Variants in PTPRM observed in about 807,000 individuals in gnomAD.
PTPRM encodes the protein receptor-type tyrosine-protein phosphatase mu.
A neutral mutation model predicts 186.7 loss-of-function variants in PTPRM; 47 were observed. The observed-to-expected ratio is 0.25, with a 90% confidence interval of 0.20 to 0.32. The LOEUF (loss-of-function observed/expected upper bound fraction) is 0.32, where lower values mean the gene tolerates loss of function less well. Ranked by LOEUF, PTPRM falls within the 10% of genes least tolerant of loss-of-function variation. The pLI, the probability that PTPRM is intolerant of heterozygous loss-of-function variation, is 1.00. For synonymous variants in PTPRM, 668 were observed against 674.9 expected (o/e 0.99, Z 0.16); for missense variants, 1,494 against 1,865.0 (o/e 0.80, Z 3.66).
At chr18:7,636,949 C>T (rs2038328027) in intron 1 of PTPRM, among the ~76,000 whole-genome samples, 1 of 152,108 alleles carries the variant, frequency 6.6e-6, no homozygotes, top group Admixed American at 6.5e-5. Context: ...TGGCAGATGA[C>T]ATGAGGCCAG....
intron 2 of PTPRM, among the ~76,000 whole-genome samples, chr18:7,801,634 G>A (rs924621131): frequency 1.3e-5 from 2 of 152,136 alleles, no homozygotes; most frequent in African/African-American, 4.8e-5. Flanking sequence ...CAAGTATTAT[G>A]TACTGTACAT....
chr18:8,172,887 G>A (rs750593157), intron 14 of PTPRM, among the ~76,000 whole-genome samples: 1 of 152,084 alleles, frequency 6.6e-6, no homozygotes, highest in Non-Finnish European at 1.5e-5. Context: ...GTAATTAATT[G>A]TACCAGAGTA....
chr18:7,958,565 A>G (rs751330672), intron 7 of PTPRM, among the ~76,000 whole-genome samples: 2 of 152,202 alleles, frequency 1.3e-5, no homozygotes, highest in East Asian at 3.9e-4. Context: ...ATTGATTTCT[A>G]TATTCAGAAG....
intron 30 of PTPRM, 74 bp downstream of exon 30, chr18:8,384,760 C>A: frequency 6.4e-7 from 1 of 1,558,300 alleles, no homozygotes; most frequent in Non-Finnish European, 8.8e-7. Flanking sequence ...TTGGAGCACT[C>A]ACTCTATGTC....
At chr18:8,013,335 T>G (rs1171156160) in intron 7 of PTPRM, among the ~76,000 whole-genome samples, 2 of 152,136 alleles carry the variant, frequency 1.3e-5, no homozygotes, top group Non-Finnish European at 2.9e-5. Flanking sequence ...CCCAAAAACT[T>G]CTAATGGCCT....
chr18:8,010,851 G>A (rs917772173), intron 7 of PTPRM, among the ~76,000 whole-genome samples: 1 of 152,194 alleles, frequency 6.6e-6, no homozygotes, highest in Non-Finnish European at 1.5e-5. Context: ...GAGATACAAA[G>A]ATTATAGACT....
intron 7 of PTPRM, among the ~76,000 whole-genome samples, chr18:7,997,076 A>G (rs1278255115): frequency 6.6e-6 from 1 of 152,168 alleles, no homozygotes; most frequent in Non-Finnish European, 1.5e-5. Flanking sequence ...AAAATCCTGA[A>G]TAACCAGAGC....
chr18:8,025,294 C>T (rs116858237), intron 7 of PTPRM, among the ~76,000 whole-genome samples: 1,763 of 152,218 alleles, frequency 0.012, 21 homozygotes, highest in Admixed American at 0.023. Flanking sequence ...ACTTAAGTGA[C>T]CATACATTTT....
At chr18:7,924,153 G>A (rs965558593) in intron 4 of PTPRM, among the ~76,000 whole-genome samples, 1 of 152,190 alleles carries the variant, frequency 6.6e-6, no homozygotes. Context: ...TCACAGCCAC[G>A]GTTACTCCCT....
At chr18:8,252,528 A>T in intron 18 of PTPRM, 29 bp downstream of exon 18, 1 of 1,537,122 alleles carries the variant, frequency 6.5e-7, no homozygotes. Context: ...CCCATGGAAG[A>T]GTTGTGGAGG....
intron 2 of PTPRM, among the ~76,000 whole-genome samples, chr18:7,784,241 A>AATAG (rs1369364106): frequency 3.3e-5 from 5 of 152,270 alleles, no homozygotes; most frequent in African/African-American, 9.6e-5. Context: ...ACCAGGAACA[A>AATAG]ATAGAAGTTC....
At chr18:8,095,052 C>T (rs2090946419) in intron 11 of PTPRM, among the ~76,000 whole-genome samples, 1 of 152,056 alleles carries the variant, frequency 6.6e-6, no homozygotes, top group Non-Finnish European at 1.5e-5. Flanking sequence ...TTGTTAAATA[C>T]TCATGAGGTT....
At chr18:8,102,739 T>C (rs1470605870) in intron 11 of PTPRM, among the ~76,000 whole-genome samples, 1 of 152,164 alleles carries the variant, frequency 6.6e-6, no homozygotes, top group Non-Finnish European at 1.5e-5. Flanking sequence ...TACTTTCACT[T>C]CCTCCCATGA....
Position 8,271,402 on chromosome 18 carries a change from A to C in PTPRM, c.2754+17988A>C, listed in dbSNP as rs560279156. Among the ~76,000 whole-genome samples the C allele has an allele frequency of 9.2e-5, 14 of 152,076 alleles. No homozygotes were observed. The South Asian group carries it at 2.9e-3, about 31-fold the overall frequency. On this transcript the variant is annotated intron_variant, in intron 19 of 32. Transcript: ENST00000580170. ...ACCTAACTTGGTCATGATATATATT[A>C]AACATTGCTGAGTGCTGTTAACTGA...
At chr18:8,045,784 G>A (rs1186506366) in intron 7 of PTPRM, among the ~76,000 whole-genome samples, 1 of 152,144 alleles carries the variant, frequency 6.6e-6, no homozygotes, top group African/African-American at 2.4e-5. Flanking sequence ...AAAAACCATT[G>A]AATTGTACAC....
At chr18:7,812,109 C>T (rs1486507348) in intron 2 of PTPRM, among the ~76,000 whole-genome samples, 1 of 150,774 alleles carries the variant, frequency 6.6e-6, no homozygotes, top group Admixed American at 6.6e-5. Context: ...CAATTTGATG[C>T]GTTATTACCA....
At chr18:8,244,387 A>G (rs1388441246) in intron 15 of PTPRM, among the ~76,000 whole-genome samples, 178 bp downstream of exon 15, 1 of 152,100 alleles carries the variant, frequency 6.6e-6, no homozygotes, top group Non-Finnish European at 1.5e-5. Context: ...GAGATGTTCT[A>G]AAGGTGATAG....
At chr18:8,389,322 C>T (rs908228996) in intron 31 of PTPRM, among the ~76,000 whole-genome samples, 2 of 152,178 alleles carry the variant, frequency 1.3e-5, no homozygotes, top group Non-Finnish European at 2.9e-5. Context: ...GAAGTTGAGG[C>T]ACCAGGACAG....
chr18:7,669,785 C>A (rs1035114970), intron 1 of PTPRM, among the ~76,000 whole-genome samples: 3 of 152,056 alleles, frequency 2.0e-5, no homozygotes, highest in Non-Finnish European at 4.4e-5. Context: ...TGCAGTGGTG[C>A]AATCTTGGCT....
Sources: allele counts gnomAD v4.1 joint callset (sites outside exome capture counted in the v4.1 genomes callset), GRCh38; gene constraint gnomAD v4.1.1; transcripts MANE v1.5; gene names NCBI Gene and HGNC (gene_info 2026-07-23, HGNC 2026-07-21).